Variants in NRXN3 observed in about 807,000 individuals in gnomAD.
The protein encoded by NRXN3 is neurexin III.
In NRXN3, 32 loss-of-function variants were observed where a neutral mutation model predicts 137.6. The ratio of observed to expected loss-of-function variants is 0.23; its 90% confidence interval spans 0.18 to 0.31. NRXN3 has a LOEUF of 0.31. NRXN3 is among the 10% of genes least tolerant of loss of function. The pLI is 1.00. For synonymous variants in NRXN3, 798 were observed against 784.5 expected (o/e 1.02, Z -0.29); for missense variants, 1,574 against 2,062.5 (o/e 0.76, Z 4.59).
intron 4 of NRXN3, among the ~76,000 whole-genome samples, chr14:78,422,047 G>C (rs540183724): frequency 6.6e-6 from 1 of 152,296 alleles, no homozygotes; most frequent in African/African-American, 2.4e-5. Context: ...AGAGTCTGGG[G>C]TAAACAAGTG....
chr14:78,827,458 G>T (rs1178329423), intron 10 of NRXN3, among the ~76,000 whole-genome samples: 1 of 152,120 alleles, frequency 6.6e-6, no homozygotes, highest in South Asian at 2.1e-4. Flanking sequence ...AAAACTATTG[G>T]ATGCCATCAG....
intron 1 of NRXN3, among the ~76,000 whole-genome samples, chr14:78,178,723 A>G (rs1309386810): frequency 6.6e-6 from 1 of 152,100 alleles, no homozygotes; most frequent in Admixed American, 6.5e-5. Context: ...GTCCTCATTT[A>G]TCTGTTGAGG....
intron 16 of NRXN3, among the ~76,000 whole-genome samples, chr14:79,570,752 G>A (rs1476558358): frequency 6.6e-6 from 1 of 152,170 alleles, no homozygotes; most frequent in Admixed American, 6.5e-5. Context: ...CATAGTTTTG[G>A]AGGCTGGAAG....
chr14:78,791,685 T>C (rs1034929393), intron 8 of NRXN3, among the ~76,000 whole-genome samples: 1 of 152,106 alleles, frequency 6.6e-6, no homozygotes, highest in Non-Finnish European at 1.5e-5. Context: ...AGCACATGGA[T>C]TCCCCTCCAT....
At chr14:79,443,262 A>AT (rs961688832) in intron 15 of NRXN3, among the ~76,000 whole-genome samples, 2 of 152,178 alleles carry the variant, frequency 1.3e-5, no homozygotes, top group Non-Finnish European at 2.9e-5. Context: ...ATTTATTGAG[A>AT]TTTTTTTATG....
chr14:78,419,435 C>T (rs2093325635), intron 4 of NRXN3, among the ~76,000 whole-genome samples: 1 of 152,050 alleles, frequency 6.6e-6, no homozygotes, highest in African/African-American at 2.4e-5. Flanking sequence ...GATGGGGTTT[C>T]ACCATGTTGG....
At chr14:79,517,896 CTTTTTTTTTT>C (rs34241975) in intron 16 of NRXN3, among the ~76,000 whole-genome samples, 27 of 73,360 alleles carry the variant, frequency 3.7e-4, no homozygotes, top group African/African-American at 1.7e-3. Flanking sequence ...CCTGACTTTC[CTTTTTTTTTT>C]TTTTTTTTTT....
At chr14:78,734,716 A>G (rs1215166804) in intron 8 of NRXN3, among the ~76,000 whole-genome samples, 1 of 152,204 alleles carries the variant, frequency 6.6e-6, no homozygotes, top group Non-Finnish European at 1.5e-5. Context: ...TACCAGACAA[A>G]GATGGATGCA....
At chr14:79,461,163 A>G (rs1011518714) in intron 15 of NRXN3, among the ~76,000 whole-genome samples, 1 of 151,946 alleles carries the variant, frequency 6.6e-6, no homozygotes, top group Non-Finnish European at 1.5e-5. Flanking sequence ...ATCTCTAGGG[A>G]TGTTTTTAGG....
chr14:79,828,782 T>C (rs762163037), intron 20 of NRXN3, among the ~76,000 whole-genome samples: 10 of 152,002 alleles, frequency 6.6e-5, no homozygotes, highest in Non-Finnish European at 1.0e-4. Context: ...CAGTGTCTTA[T>C]TGTGCTTCTT....
intron 15 of NRXN3, among the ~76,000 whole-genome samples, chr14:79,169,338 T>C (rs1368756582): frequency 2.0e-5 from 3 of 152,122 alleles, no homozygotes; most frequent in Non-Finnish European, 2.9e-5. Flanking sequence ...AGATTCTACC[T>C]GCAGCCTCAG....
chr14:79,188,832 A>C (rs947178250), intron 15 of NRXN3, among the ~76,000 whole-genome samples: 1 of 152,184 alleles, frequency 6.6e-6, no homozygotes, highest in Non-Finnish European at 1.5e-5. Context: ...CAAAACCACA[A>C]TGAGATACCA....
chr14:79,820,906 C>A (rs761499219), intron 20 of NRXN3, among the ~76,000 whole-genome samples: 6 of 152,048 alleles, frequency 3.9e-5, no homozygotes, highest in Non-Finnish European at 7.4e-5. Flanking sequence ...TTTGGGTGGC[C>A]AGGGTGCTTA....
intron 4 of NRXN3, among the ~76,000 whole-genome samples, chr14:78,347,041 C>T (rs771807093): frequency 3.9e-5 from 6 of 152,122 alleles, no homozygotes; most frequent in Non-Finnish European, 7.3e-5. Context: ...AATAAGTTAT[C>T]AATGGAAAGA....
At chr14:79,038,766 A>G (rs1306225514) in intron 15 of NRXN3, among the ~76,000 whole-genome samples, 1 of 152,142 alleles carries the variant, frequency 6.6e-6, no homozygotes, top group East Asian at 1.9e-4. Flanking sequence ...AATTCCCAGG[A>G]GAGTTTTCCA....
At chr14:79,719,404 A>ATATATATGTGTGTGTG (rs915582396) in intron 19 of NRXN3, among the ~76,000 whole-genome samples, 4 of 149,848 alleles carry the variant, frequency 2.7e-5, no homozygotes, top group Admixed American at 6.7e-5. Flanking sequence ...ATATGTGTGT[A>ATATATATGTGTGTGTG]TATATATATA....
At chr14:79,418,097 A>G (rs751891403) in intron 15 of NRXN3, among the ~76,000 whole-genome samples, 5 of 152,140 alleles carry the variant, frequency 3.3e-5, no homozygotes, top group Non-Finnish European at 4.4e-5. Flanking sequence ...AGAACATCCA[A>G]AACCTTCATG....
At position 79,745,611 on chromosome 14, in the gene NRXN3, T is replaced by A. The variant is rs1818894299; in HGVS notation, c.4014+47674T>A. On this transcript the variant is annotated intron_variant, in intron 19 of 20. Coordinates refer to ENST00000335750, the MANE Select transcript of NRXN3 (RefSeq NM_001330195.2). Reference sequence around the variant, plus strand: ...TGCAGTGTGGTACTAAATTTGGGGTTACAAGAAATTTTTGGCTTATTAGTT... The same window carrying A: ...TGCAGTGTGGTACTAAATTTGGGGTAACAAGAAATTTTTGGCTTATTAGTT... Among the ~76,000 whole-genome samples, 4 of 152,148 alleles carry A rather than the reference T, an allele frequency of 2.6e-5. No individual in the cohort carries two copies. In the South Asian group the frequency reaches 8.3e-4, roughly 32 times the overall value.
At chr14:78,251,652 G>A (rs2068647851) in intron 2 of NRXN3, among the ~76,000 whole-genome samples, 1 of 152,214 alleles carries the variant, frequency 6.6e-6, no homozygotes, top group Non-Finnish European at 1.5e-5. Flanking sequence ...GGGAGTACAG[G>A]AGGGTGCAGG....
Sources: gnomAD v4.1 joint callset for allele counts (sites outside exome capture counted in the v4.1 genomes callset) on GRCh38, gnomAD v4.1.1 for gene constraint, MANE v1.5 for transcripts, NCBI Gene and HGNC (gene_info 2026-07-23, HGNC 2026-07-21) for gene names.